The following DIP2C variants were observed in gnomAD, a reference collection of about 807,000 sequenced individuals.
The protein encoded by DIP2C is disco-interacting protein 2 homolog C.
DIP2C carries 33 observed loss-of-function variants against 192.4 expected under a neutral mutation model. The ratio of observed to expected loss-of-function variants is 0.17; its 90% confidence interval spans 0.13 to 0.23. The LOEUF (loss-of-function observed/expected upper bound fraction) is 0.23, where lower values mean the gene tolerates loss of function less well. Ranked by LOEUF, DIP2C falls within the 10% of genes least tolerant of loss-of-function variation. The probability of loss-of-function intolerance (pLI) is 1.00; values close to 1 mark genes in which losing one functional copy is unlikely to be tolerated. For missense variants in DIP2C, 1,537 were observed against 2,110.1 expected (o/e 0.73, Z 5.32); for synonymous variants, 979 against 864.1 (o/e 1.13, Z -2.33).
At chr10:582,721 T>C (rs1268144750) in intron 1 of DIP2C, among the ~76,000 whole-genome samples, 1 of 152,200 alleles carries the variant, frequency 6.6e-6, no homozygotes, top group African/African-American at 2.4e-5. Flanking sequence ...TTCACGCCCT[T>C]GTGAGACCCT....
chr10:614,505 C>T (rs1042640225), intron 1 of DIP2C, among the ~76,000 whole-genome samples: 3 of 152,142 alleles, frequency 2.0e-5, no homozygotes, highest in Non-Finnish European at 4.4e-5. Context: ...GATCCCCCCA[C>T]GAGGCTCTCC....
chr10:450,770 T>C (rs1968785032), intron 3 of DIP2C, among the ~76,000 whole-genome samples: 2 of 152,100 alleles, frequency 1.3e-5, no homozygotes, highest in Non-Finnish European at 2.9e-5. Context: ...ACACTGATAA[T>C]TGCAGGCATT....
intron 9 of DIP2C, among the ~76,000 whole-genome samples, chr10:407,936 A>C (rs1264991527): frequency 6.6e-6 from 1 of 152,050 alleles, no homozygotes; most frequent in African/African-American, 2.4e-5. Flanking sequence ...TAAATGTCCA[A>C]TTTATTTATT....
At chr10:330,119 A>G (rs774329176) in intron 29 of DIP2C, among the ~76,000 whole-genome samples, 21 of 152,226 alleles carry the variant, frequency 1.4e-4, no homozygotes, top group Non-Finnish European at 2.6e-4. Flanking sequence ...AATATTTACC[A>G]AACAGCAATT....
intron 1 of DIP2C, among the ~76,000 whole-genome samples, chr10:507,614 G>A (rs1041098391): frequency 2.0e-5 from 3 of 152,234 alleles, no homozygotes; most frequent in Admixed American, 6.5e-5. Context: ...TGTTTCCAGT[G>A]TCATCTCAGC....
At chr10:669,850 T>C (rs756466949) in intron 1 of DIP2C, among the ~76,000 whole-genome samples, 2 of 152,250 alleles carry the variant, frequency 1.3e-5, no homozygotes, top group African/African-American at 2.4e-5. Flanking sequence ...TTCATACCAA[T>C]GTTTATAAGA....
At chr10:338,714 G>C (rs973795309) in intron 29 of DIP2C, among the ~76,000 whole-genome samples, 10 of 152,108 alleles carry the variant, frequency 6.6e-5, no homozygotes, top group African/African-American at 2.4e-4. Flanking sequence ...ATCTCCCTCG[G>C]CTGCTGCCGA....
intron 29 of DIP2C, among the ~76,000 whole-genome samples, chr10:337,413 T>C (rs1564575751): frequency 7.0e-6 from 1 of 143,868 alleles, no homozygotes; most frequent in African/African-American, 2.6e-5. Context: ...CGTAGCTGTG[T>C]GTGTGTGTTG....
rs376030794 is a variant in DIP2C, at chr10:565,354, T to TAAAATAAAAAAAAAA, written c.86-78825_86-78824insTTTTTTTTTTATTTT. Among the ~76,000 whole-genome samples, 83 of 114,088 alleles carry TAAAATAAAAAAAAAA rather than the reference T, an allele frequency of 7.3e-4. 3 individuals carry two copies. Among genetic ancestry groups the TAAAATAAAAAAAAAA allele is most frequent in the African/African-American group, 2.9e-3 (78 of 26,662 alleles). 74.8% of individuals were successfully genotyped at this position (114,088 alleles called of 152,430 possible). A position where few individuals can be genotyped will look rare whatever the true frequency, so the allele number is the denominator to read the frequency against. On this transcript the variant is annotated intron_variant, in intron 1 of 36. Transcript: ENST00000280886. The stretch of plus-strand genomic sequence containing the variant: ...AAAATATGAAACAGTACCTGCATTC[T>TAAAATAAAAAAAAAA]AAAAAAAAAAAAAAAAAGACCTAGA...
intron 1 of DIP2C, chr10:649,841 T>C (rs1440286243): frequency 2.1e-6 from 1 of 484,264 alleles, no homozygotes; most frequent in African/African-American, 2.0e-5. Context: ...AAGTTTTTAT[T>C]TGCAGTAAGA....
At chr10:301,554 A>C (rs1019957703) in intron 32 of DIP2C, among the ~76,000 whole-genome samples, 1 of 152,254 alleles carries the variant, frequency 6.6e-6, no homozygotes, top group Non-Finnish European at 1.5e-5. Flanking sequence ...AGAAGAAATT[A>C]GAGAATGGGA....
chr10:351,454 C>T (rs185137162), intron 24 of DIP2C, among the ~76,000 whole-genome samples: 47 of 152,316 alleles, frequency 3.1e-4, no homozygotes, highest in African/African-American at 2.4e-5. Flanking sequence ...TGCGGGGAGG[C>T]GGCCCACGTC....
chr10:315,957 T>C (rs921782550), intron 31 of DIP2C, among the ~76,000 whole-genome samples: 2 of 152,218 alleles, frequency 1.3e-5, no homozygotes, highest in African/African-American at 2.4e-5. Context: ...TATTAAACCA[T>C]GGGAATTTTA....
intron 1 of DIP2C, among the ~76,000 whole-genome samples, chr10:671,152 G>C (rs181889210): frequency 2.0e-5 from 3 of 152,322 alleles, no homozygotes; most frequent in Admixed American, 2.0e-4. Flanking sequence ...TGTGTGTCAC[G>C]CAAACCCCTG....
At chr10:279,146 G>T (rs1231635819) in intron 36 of DIP2C, among the ~76,000 whole-genome samples, 1 of 152,152 alleles carries the variant, frequency 6.6e-6, no homozygotes, top group Non-Finnish European at 1.5e-5. Flanking sequence ...TGTGACTGCC[G>T]CATGCCTATG....
intron 1 of DIP2C, chr10:662,175 G>A (rs767635731): frequency 7.7e-5 from 55 of 713,152 alleles, no homozygotes; most frequent in Non-Finnish European, 1.0e-4. Context: ...ATAGGCACAT[G>A]CATATTTTAT....
chr10:534,320 G>A (rs1256032644), intron 1 of DIP2C, among the ~76,000 whole-genome samples: 2 of 152,246 alleles, frequency 1.3e-5, no homozygotes, highest in Non-Finnish European at 2.9e-5. Context: ...TCCTGCTGGT[G>A]GGGACAGAGG....
rs1159619042 is a variant in DIP2C, at chr10:310,808, C to A, written c.3925-716G>T. Among the ~76,000 whole-genome samples, 5 of 152,278 alleles carry A rather than the reference C, an allele frequency of 3.3e-5. No individual in the cohort carries two copies. In the East Asian group the frequency reaches 9.7e-4, roughly 29 times the overall value. The stretch of plus-strand genomic sequence containing the variant: ...GTGACCTCTGTACACAGAAGAGCAG[C>A]ATCACGAAGGCTGCATTACAAACCA... On this transcript the variant is annotated intron_variant, in intron 31 of 36. Transcript: ENST00000280886.
Position 666,686 on chromosome 10 carries a change from C to A in DIP2C, c.85+22808G>T, listed in dbSNP as rs1857121988. The A allele has an allele frequency of 6.6e-6, 1 of 151,982 alleles. No homozygotes were observed. Among genetic ancestry groups the A allele is most frequent in the South Asian group, 2.1e-4 (1 of 4,822 alleles). 9.4% of individuals were successfully genotyped at this position (151,982 alleles called of 1,614,324 possible). A position where few individuals can be genotyped will look rare whatever the true frequency, so the allele number is the denominator to read the frequency against. ...ATTAAAAGTTCAATAAACGTGGTGG[C>A]AGCAGCTGAACTGGCTACCACAGGA... On this transcript the variant is annotated intron_variant, in intron 1 of 36. Transcript: ENST00000280886. This position sits in a 1 kb window ranked among gnomAD's most constrained non-coding sequence, Gnocchi z 4.1.
Sources: allele counts gnomAD v4.1 joint callset (sites outside exome capture counted in the v4.1 genomes callset), GRCh38; gene constraint gnomAD v4.1.1; non-coding constraint Gnocchi (gnomAD v3.1); transcripts MANE v1.5; gene names NCBI Gene and HGNC (gene_info 2026-07-23, HGNC 2026-07-21).